The following CNTNAP4 variants were observed in gnomAD, a reference collection of about 807,000 sequenced individuals.
The protein encoded by CNTNAP4 is contactin associated protein family member 4, also known as contactin-associated protein-like 4.
Under a neutral mutation model 148.4 loss-of-function variants are expected in CNTNAP4, and 98 were observed. The ratio of observed to expected loss-of-function variants is 0.66; its 90% CI spans 0.56 to 0.78. The LOEUF (loss-of-function observed/expected upper bound fraction) is 0.78, where lower values mean the gene tolerates loss of function less well. CNTNAP4 is among the 30% of genes least tolerant of loss of function. The pLI, the probability that CNTNAP4 is intolerant of heterozygous loss-of-function variation, is 0.00. For missense variants in CNTNAP4, 1,935 were observed against 1,565.6 expected, an observed-to-expected ratio of 1.24 and a Z score of -3.98; for synonymous variants, 730 against 565.1, an observed-to-expected ratio of 1.29 and a Z score of -4.14.
chr16:76,360,995 T>G (rs2144546036), intron 3 of CNTNAP4, among the ~76,000 whole-genome samples: 1 of 152,000 alleles, frequency 6.6e-6, no homozygotes, highest in South Asian at 2.1e-4. Flanking sequence ...TTTTTTTTTT[T>G]TGTATTTTTG....
At chr16:76,382,016 G>A (rs1380752334) in intron 3 of CNTNAP4, among the ~76,000 whole-genome samples, 4 of 137,638 alleles carry the variant, frequency 2.9e-5, no homozygotes, top group African/African-American at 8.3e-5. Flanking sequence ...AGCTGAGATC[G>A]CGCCACTGCG....
At chr16:76,453,273 A>G (rs1391395245) in intron 8 of CNTNAP4, among the ~76,000 whole-genome samples, 1 of 152,238 alleles carries the variant, frequency 6.6e-6, no homozygotes, top group East Asian at 1.9e-4. Flanking sequence ...AGAGTTGAAT[A>G]CATTTTGAGG....
At chr16:76,317,289 A>ACCAAAAAAAAAT (rs1567680264) in intron 2 of CNTNAP4, among the ~76,000 whole-genome samples, 1 of 81,670 alleles carries the variant, frequency 1.2e-5, no homozygotes, top group African/African-American at 3.7e-5. Context: ...AAAAAAAAAA[A>ACCAAAAAAAAAT]AACCCAAAAA....
chr16:76,540,033 T>C (rs902600081), intron 20 of CNTNAP4, among the ~76,000 whole-genome samples, 181 bp downstream of exon 20: 2 of 152,200 alleles, frequency 1.3e-5, no homozygotes, highest in African/African-American at 4.8e-5. Context: ...TTCATTATAT[T>C]ATTAACATCG....
chr16:76,283,775 T>C (rs886973953), intron 1 of CNTNAP4, among the ~76,000 whole-genome samples: 1 of 152,012 alleles, frequency 6.6e-6, no homozygotes, highest in Non-Finnish European at 1.5e-5. Context: ...AGTTTACTTA[T>C]GTAACAAACC....
chr16:76,533,938 T>C (rs2084102953), intron 17 of CNTNAP4, among the ~76,000 whole-genome samples: 1 of 152,194 alleles, frequency 6.6e-6, no homozygotes, highest in African/African-American at 2.4e-5. Flanking sequence ...AATACAGCAA[T>C]TTGGATATAG....
chr16:76,454,581 A>C (rs1274137604), intron 8 of CNTNAP4, among the ~76,000 whole-genome samples: 2 of 151,822 alleles, frequency 1.3e-5, no homozygotes, highest in South Asian at 2.1e-4. Context: ...AACTCTCTCT[A>C]CTCTTTTTTT....
chr16:76,326,552 T>G (rs1024988975), intron 2 of CNTNAP4, among the ~76,000 whole-genome samples: 1 of 152,148 alleles, frequency 6.6e-6, no homozygotes, highest in Non-Finnish European at 1.5e-5. Context: ...CCAATCCAAA[T>G]GTCCAACAAT....
intron 1 of CNTNAP4, among the ~76,000 whole-genome samples, chr16:76,280,075 G>C (rs1958629298): frequency 1.3e-5 from 2 of 152,134 alleles, no homozygotes; most frequent in Non-Finnish European, 2.9e-5. Context: ...TTAAGAAAAA[G>C]TGAGTCAGTC....
intron 17 of CNTNAP4, among the ~76,000 whole-genome samples, chr16:76,534,833 A>C (rs539943163): frequency 9.2e-5 from 14 of 152,206 alleles, no homozygotes; most frequent in Non-Finnish European, 1.5e-4. Context: ...TTCCAACCCA[A>C]CATTGTAGAC....
At chr16:76,465,568 AGCAGAGTTATTTATAT>A (rs1244619303) in intron 9 of CNTNAP4, among the ~76,000 whole-genome samples, 1 of 152,222 alleles carries the variant, frequency 6.6e-6, no homozygotes, top group Non-Finnish European at 1.5e-5. Flanking sequence ...AAAGAAGATT[AGCAGAGTTATTTATAT>A]GCCTGGCATA....
At chr16:76,511,599 G>C (rs1234391329) in intron 15 of CNTNAP4, among the ~76,000 whole-genome samples, 1 of 152,072 alleles carries the variant, frequency 6.6e-6, no homozygotes, top group African/African-American at 2.4e-5. Context: ...CACTATGCTT[G>C]ATAATTCTCT....
At chr16:76,327,476 C>T (rs1025425245) in intron 2 of CNTNAP4, among the ~76,000 whole-genome samples, 1 of 152,068 alleles carries the variant, frequency 6.6e-6, no homozygotes, top group Non-Finnish European at 1.5e-5. Context: ...TGGGTTGATA[C>T]CATGTCTTTG....
At chr16:76,408,828 A>G (rs1447283626) in intron 3 of CNTNAP4, among the ~76,000 whole-genome samples, 1 of 151,872 alleles carries the variant, frequency 6.6e-6, no homozygotes, top group African/African-American at 2.4e-5. Context: ...TTGATTTCAG[A>G]GTCCATTCTC....
chr16:76,383,410 AAAC>A (rs1567944729), intron 3 of CNTNAP4, among the ~76,000 whole-genome samples: 1 of 152,100 alleles, frequency 6.6e-6, no homozygotes, highest in African/African-American at 2.4e-5. Context: ...AAAAAAAAAA[AAAC>A]GTATCATGTA....
chr16:76,535,914 G>A, intron 18 of CNTNAP4, 130 bp downstream of exon 18: 1 of 958,580 alleles, frequency 1.0e-6, no homozygotes, highest in South Asian at 1.7e-5. Flanking sequence ...CAAAGTATCT[G>A]TTGAATGTAA....
chr16:76,521,106 G>C (rs755652802), intron 15 of CNTNAP4, 34 bp from the exon 16 acceptor site: 1 of 1,479,160 alleles, frequency 6.8e-7, no homozygotes, highest in Non-Finnish European at 8.9e-7. Flanking sequence ...TTTTCTTTCT[G>C]AATTTTTTTT....
intron 2 of CNTNAP4, among the ~76,000 whole-genome samples, chr16:76,333,410 C>T (rs1328639240): frequency 6.6e-6 from 1 of 152,202 alleles, no homozygotes; most frequent in Non-Finnish European, 1.5e-5. Flanking sequence ...TTGTACTTTG[C>T]AACTCCAGAA....
At chr16:76,496,045 A>G (rs2082388669) in intron 14 of CNTNAP4, among the ~76,000 whole-genome samples, 1 of 151,236 alleles carries the variant, frequency 6.6e-6, no homozygotes, top group Admixed American at 6.6e-5. Context: ...AGATTATATC[A>G]TACAACAGAT....
Sources: allele counts gnomAD v4.1 joint callset (sites outside exome capture counted in the v4.1 genomes callset), GRCh38; gene constraint gnomAD v4.1.1; transcripts MANE v1.5; gene names NCBI Gene and HGNC (gene_info 2026-07-23, HGNC 2026-07-21).